The following NEURL1 variants were observed in gnomAD, a reference collection of about 807,000 sequenced individuals.
NEURL1 encodes neuralized E3 ubiquitin protein ligase 1.
A neutral mutation model predicts 41.2 loss-of-function variants in NEURL1; 26 were observed. That is an observed-to-expected ratio of 0.63 (90% CI 0.46 to 0.87). The LOEUF is 0.87. Ranked by LOEUF, NEURL1 falls within the 40% of genes least tolerant of loss-of-function variation. The pLI is 0.00. For missense variants in NEURL1, 761 were observed against 871.1 expected, an observed-to-expected ratio of 0.87 and a Z score of 1.59; for synonymous variants, 400 against 402.3, an observed-to-expected ratio of 0.99 and a Z score of 0.07.
chr10:103,521,688 C>T (rs914164694), intron 1 of NEURL1, among the ~76,000 whole-genome samples: 1 of 152,130 alleles, frequency 6.6e-6, no homozygotes, highest in Non-Finnish European at 1.5e-5. Flanking sequence ...CTCCTTGGTC[C>T]AAGAACCATT....
At chr10:103,497,061 G>T (rs746977876) in intron 1 of NEURL1, among the ~76,000 whole-genome samples, 6 of 152,128 alleles carry the variant, frequency 3.9e-5, no homozygotes, top group Non-Finnish European at 7.4e-5. Flanking sequence ...CATGAAGGCC[G>T]CCAGTTGTTG....
intron 1 of NEURL1, among the ~76,000 whole-genome samples, chr10:103,497,176 A>G (rs1024795354): frequency 1.1e-4 from 16 of 152,068 alleles, no homozygotes; most frequent in Non-Finnish European, 2.4e-4. Flanking sequence ...TTATTCTGTA[A>G]TTGTTTAGTG....
intron 3 of NEURL1, among the ~76,000 whole-genome samples, chr10:103,582,309 C>T (rs534744030): frequency 7.9e-5 from 12 of 152,320 alleles, no homozygotes; most frequent in African/African-American, 2.9e-4. Context: ...GGCTTTCCCC[C>T]ACTCTGCACC....
chr10:103,533,668 C>T (rs1427281804), intron 1 of NEURL1, among the ~76,000 whole-genome samples: 1 of 152,156 alleles, frequency 6.6e-6, no homozygotes, highest in East Asian at 1.9e-4. Flanking sequence ...TCCTGAGTAG[C>T]TGGGACTACA....
intron 1 of NEURL1, among the ~76,000 whole-genome samples, chr10:103,546,323 T>A (rs1404458856): frequency 6.6e-6 from 1 of 152,250 alleles, no homozygotes; most frequent in African/African-American, 2.4e-5. Context: ...CTGGCCCAGC[T>A]CTGGCACTTT....
At chr10:103,534,102 A>T (rs1478814798) in intron 1 of NEURL1, among the ~76,000 whole-genome samples, 1 of 149,610 alleles carries the variant, frequency 6.7e-6, no homozygotes, top group Admixed American at 6.6e-5. Flanking sequence ...TTCTTTTAAA[A>T]TTGTTTCTAT....
At chr10:103,555,104 G>C (rs1022866696) in intron 1 of NEURL1, 1 of 155,240 alleles carries the variant, frequency 6.4e-6, no homozygotes, top group Non-Finnish European at 1.4e-5. Context: ...GCGGGAGGTG[G>C]GGAGGCTGGA....
rs772479713 is a variant in NEURL1, at chr10:103,570,984, C to T, written c.198C>T (p.His66=). Reference sequence around the variant, plus strand: ...TCCCAGCCACGCCGCTGCTCTTCCACCCGCACACCAAGGGCTCCCAGATCC... The same window carrying T: ...TCCCAGCCACGCCGCTGCTCTTCCATCCGCACACCAAGGGCTCCCAGATCC... The part of the protein sequence containing the change: ...GGLPATPLLF[H]PHTKGSQILM... The change falls in exon 2 of 6, where the codon CAC becomes CAT. Residue 66 remains histidine (H), a synonymous_variant. Transcript: ENST00000369780. The T allele has an allele frequency of 1.7e-5, 28 of 1,613,950 alleles. No individual in the cohort carries two copies. Among genetic ancestry groups the T allele is most frequent in the Admixed American group, 8.3e-5 (5 of 60,016 alleles).
intron 1 of NEURL1, among the ~76,000 whole-genome samples, chr10:103,549,727 C>T (rs772490102): frequency 5.3e-5 from 8 of 152,228 alleles, no homozygotes; most frequent in Non-Finnish European, 8.8e-5. Context: ...TCTTCCTGGC[C>T]TCCCCAGACC....
chr10:103,519,399 G>T (rs941441659), intron 1 of NEURL1, among the ~76,000 whole-genome samples: 2 of 152,244 alleles, frequency 1.3e-5, no homozygotes, highest in Non-Finnish European at 2.9e-5. Flanking sequence ...ATTGATACGT[G>T]ATTGCCAGTG....
In NEURL1 at chr10:103,508,539, G is replaced by A. The variant is rs75010064; in HGVS notation, c.85+14067G>A. 0.032 allele frequency among the ~76,000 whole-genome samples: 4,837 copies of A among 152,222 alleles called. 126 individuals are homozygous for A. Among genetic ancestry groups the A allele is most frequent in the Middle Eastern group, 0.051 (15 of 294 alleles). On this transcript the variant is annotated intron_variant, in intron 1 of 5. Transcript: ENST00000369780. The surrounding 1 kb of genome is among the most constrained non-coding windows in gnomAD (Gnocchi z 4.3). ...GACAGACTTTCTCACCCACCCCTCCGCAAGTCCCATGCAGGAAACCCCCTC... is the reference window on the plus strand; with the variant it reads ...GACAGACTTTCTCACCCACCCCTCCACAAGTCCCATGCAGGAAACCCCCTC...
intron 1 of NEURL1, among the ~76,000 whole-genome samples, chr10:103,562,345 G>A (rs897679835): frequency 2.0e-5 from 3 of 152,120 alleles, no homozygotes; most frequent in Non-Finnish European, 4.4e-5. Flanking sequence ...ATCACGCCAC[G>A]ACTCTCCACC....
intron 1 of NEURL1, among the ~76,000 whole-genome samples, chr10:103,513,863 G>A (rs1298936894): frequency 6.6e-6 from 1 of 152,066 alleles, no homozygotes; most frequent in Non-Finnish European, 1.5e-5. Context: ...TGTGAGGCCT[G>A]GGGCAGTGAG....
Position 103,571,524 on chromosome 10 carries a change from G to A in NEURL1, c.351G>A (p.Trp117Ter). 1 of 1,607,572 alleles carries A rather than the reference G, an allele frequency of 6.2e-7. No homozygotes were observed. The highest frequency in any genetic ancestry group is 8.5e-7 in the Non-Finnish European group (1 of 1,179,710). Residue 117 changes from tryptophan to a stop codon, truncating the protein, a stop_gained, in exon 3 of 6, where the codon TGG becomes TGA. Coordinates refer to ENST00000369780, the MANE Select transcript of NEURL1 (RefSeq NM_004210.5). LOFTEE classifies it high-confidence loss of function. ...AGATCACCAAGAAGCAGTGCTGCTGGAGCGGGGCCCTGCGGCTGGGCTTCA... is the reference window on the plus strand; with the variant it reads ...AGATCACCAAGAAGCAGTGCTGCTGAAGCGGGGCCCTGCGGCTGGGCTTCA... ...RLKITKKQCC[W>*]SGALRLGFTS...
At chr10:103,586,493 C>T (rs1487627518) in intron 4 of NEURL1, among the ~76,000 whole-genome samples, 2 of 152,096 alleles carry the variant, frequency 1.3e-5, no homozygotes, top group Admixed American at 6.5e-5. Context: ...GTTTGGAGAC[C>T]CCTGGGCCTC....
At chr10:103,555,977 C>T (rs1274777665) in intron 1 of NEURL1, among the ~76,000 whole-genome samples, 2 of 152,220 alleles carry the variant, frequency 1.3e-5, no homozygotes, top group East Asian at 1.9e-4. Flanking sequence ...TGAAGGTGCC[C>T]GTGGGTGTGC....
At chr10:103,514,594 C>G (rs2034154490) in intron 1 of NEURL1, among the ~76,000 whole-genome samples, 1 of 152,140 alleles carries the variant, frequency 6.6e-6, no homozygotes, top group African/African-American at 2.4e-5. Flanking sequence ...CTGCTCAGAC[C>G]CCCAGCCCTG....
intron 3 of NEURL1, among the ~76,000 whole-genome samples, chr10:103,577,275 A>G (rs1364942881): frequency 6.6e-6 from 1 of 152,066 alleles, no homozygotes; most frequent in Non-Finnish European, 1.5e-5. Flanking sequence ...CCTCCCCTCC[A>G]TTAGGAAGCT....
Position 103,494,266 on chromosome 10 carries a change from A to C in NEURL1, c.-122A>C. The stretch of plus-strand genomic sequence containing the variant: ...GAGCTGCCCGCCCGCCCCCGGCTGC[A>C]GCCCCAGCAGGGCCCTCCCCCGGTG... On this transcript the variant is annotated 5_prime_UTR_variant, in exon 1 of 6. Transcript: ENST00000369780. 1 of 692,586 alleles carries C rather than the reference A, an allele frequency of 1.4e-6. No homozygotes were observed. The highest frequency in any genetic ancestry group is 2.3e-6 in the Non-Finnish European group (1 of 438,478). The allele number at this position is 692,586 out of a possible 1,614,324, so 42.9% of individuals were successfully genotyped here. A position where few individuals can be genotyped will look rare whatever the true frequency, so the allele number is the denominator to read the frequency against.
Sources: allele counts gnomAD v4.1 joint callset (sites outside exome capture counted in the v4.1 genomes callset), GRCh38; gene constraint gnomAD v4.1.1; non-coding constraint Gnocchi (gnomAD v3.1); transcripts MANE v1.5; gene names NCBI Gene and HGNC (gene_info 2026-07-23, HGNC 2026-07-21).